Variants in SPATA13 observed in about 807,000 individuals in gnomAD.
SPATA13 encodes spermatogenesis associated 13, also known as spermatogenesis-associated protein 13.
In SPATA13, 50 loss-of-function variants were observed where a neutral mutation model predicts 104.0. That is an observed-to-expected ratio of 0.48 (90% CI 0.38 to 0.61). The LOEUF (loss-of-function observed/expected upper bound fraction) is 0.61. Among genes scored for constraint, SPATA13 ranks in the 20% least tolerant of loss-of-function variants. SPATA13 has a pLI of 0.00. For synonymous variants in SPATA13, 606 were observed against 667.5 expected, an observed-to-expected ratio of 0.91 and a Z score of 1.42; for missense variants, 1,524 against 1,690.6, an observed-to-expected ratio of 0.90 and a Z score of 1.73.
At chr13:24,231,452 C>T (rs920331174) in intron 2 of SPATA13, among the ~76,000 whole-genome samples, 2 of 152,134 alleles carry the variant, frequency 1.3e-5, no homozygotes, top group Non-Finnish European at 1.5e-5. Context: ...GTTAAGGCTG[C>T]GTAATATTTC....
chr13:24,131,324 A>AGGGTCTTGGCCCTGGG (rs946560785), intron 3 of SPATA13, among the ~76,000 whole-genome samples: 1 of 152,164 alleles, frequency 6.6e-6, no homozygotes, highest in Non-Finnish European at 1.5e-5. Context: ...GGACTTGTGC[A>AGGGTCTTGGCCCTGGG]GAAAGCATTG....
intron 4 of SPATA13, among the ~76,000 whole-genome samples, chr13:24,264,630 T>C (rs993004160): frequency 6.6e-6 from 1 of 152,250 alleles, no homozygotes; most frequent in Non-Finnish European, 1.5e-5. Context: ...AATAATTGCC[T>C]TCTATTAAGA....
rs748491954 is a variant in SPATA13 at position 24,224,332 on chromosome 13, C to G, written c.1403C>G (p.Thr468Arg). The G allele has an allele frequency of 6.4e-7, 1 of 1,551,730 alleles. No homozygotes were observed. Among genetic ancestry groups the G allele is most frequent in the South Asian group, 1.2e-5 (1 of 84,058 alleles). Residue 468 changes from threonine to arginine, a missense_variant, in exon 2 of 13, where the codon ACA becomes AGA. Thr to Arg is a moderately conservative substitution (Grantham distance 71). Transcript: ENST00000382108. ...CCTCCCACCCCTCTAAGGCCCACCA[C>G]ACCCAAGCCCCAGAGCCCTCAGAGC... is the stretch of plus-strand genomic sequence containing the variant. Reference protein sequence around the residue: ...EQPPTPLRPTTPKPQSPQSPQ... With the variant: ...EQPPTPLRPTRPKPQSPQSPQ...
At chr13:24,199,815 G>T (rs1870297538) in intron 1 of SPATA13, among the ~76,000 whole-genome samples, 1 of 152,196 alleles carries the variant, frequency 6.6e-6, no homozygotes, top group African/African-American at 2.4e-5. Context: ...GCTTTTGTTT[G>T]TCAAGTGTTC....
intron 4 of SPATA13, among the ~76,000 whole-genome samples, chr13:24,271,281 C>A (rs1266528769): frequency 6.6e-6 from 1 of 152,036 alleles, no homozygotes; most frequent in East Asian, 1.9e-4. Flanking sequence ...GATATTGTTA[C>A]TAGTTTTGCT....
chr13:24,173,163 C>T (rs182946056), intron 1 of SPATA13, among the ~76,000 whole-genome samples: 14 of 152,208 alleles, frequency 9.2e-5, no homozygotes, highest in African/African-American at 1.2e-4. Flanking sequence ...CTGCACCCTC[C>T]GCCTCCCGGG....
chr13:24,044,604 A>G (rs1253865317), intron 3 of SPATA13, among the ~76,000 whole-genome samples: 1 of 152,204 alleles, frequency 6.6e-6, no homozygotes, highest in Non-Finnish European at 1.5e-5. Context: ...ACATGTTTAC[A>G]TTGTTTAATG....
intron 1 of SPATA13, among the ~76,000 whole-genome samples, chr13:24,168,092 C>A (rs1467443925): frequency 6.6e-6 from 1 of 152,174 alleles, no homozygotes; most frequent in African/African-American, 2.4e-5. Context: ...ATGTCGACTT[C>A]ATGAGCCTTC....
intron 1 of SPATA13, among the ~76,000 whole-genome samples, chr13:24,185,640 C>T (rs1399221228): frequency 1.3e-5 from 2 of 151,906 alleles, no homozygotes; most frequent in African/African-American, 2.4e-5. Flanking sequence ...TAATAGGCAT[C>T]GTGTTTTAAA....
At chr13:24,293,408 C>T (rs984472719) in intron 9 of SPATA13, among the ~76,000 whole-genome samples, 17 of 152,098 alleles carry the variant, frequency 1.1e-4, no homozygotes, top group South Asian at 2.1e-4. Flanking sequence ...TCTTGAAAGA[C>T]GTGGGCAGGC....
At chr13:24,040,155 GC>G (rs1400826837) in intron 3 of SPATA13, among the ~76,000 whole-genome samples, 1 of 152,210 alleles carries the variant, frequency 6.6e-6, no homozygotes, top group Non-Finnish European at 1.5e-5. Context: ...ATGCTGGGTG[GC>G]CAAACCAAAT....
intron 4 of SPATA13, among the ~76,000 whole-genome samples, chr13:24,274,100 C>T (rs1259913649): frequency 4.6e-5 from 7 of 152,162 alleles, no homozygotes; most frequent in Non-Finnish European, 7.3e-5. Flanking sequence ...TTGTCCTATT[C>T]GTTGGAATAA....
At chr13:24,127,815 G>A (rs1052337562) in intron 3 of SPATA13, among the ~76,000 whole-genome samples, 1 of 152,182 alleles carries the variant, frequency 6.6e-6, no homozygotes, top group Non-Finnish European at 1.5e-5. Context: ...AATTTAAATT[G>A]CACAGCAAGG....
chr13:24,291,798 G>C (rs1277554083), intron 9 of SPATA13, among the ~76,000 whole-genome samples: 1 of 138,930 alleles, frequency 7.2e-6, no homozygotes, highest in Non-Finnish European at 1.6e-5. Context: ...CGCCCAGGCC[G>C]GACTGCGGAC....
chr13:24,181,265 T>C (rs181392125), intron 1 of SPATA13, among the ~76,000 whole-genome samples: 58 of 152,356 alleles, frequency 3.8e-4, no homozygotes, highest in African/African-American at 1.3e-3. Context: ...ATGTATTTAA[T>C]ATATGTGCTG....
At chr13:24,154,854 C>G (rs1882213266) in intron 3 of SPATA13, among the ~76,000 whole-genome samples, 1 of 152,084 alleles carries the variant, frequency 6.6e-6, no homozygotes, top group Non-Finnish European at 1.5e-5. Context: ...GACTGATAGA[C>G]CAGTTTTGTT....
intron 3 of SPATA13, among the ~76,000 whole-genome samples, chr13:24,116,898 T>C (rs946986718): frequency 6.6e-6 from 1 of 152,144 alleles, no homozygotes; most frequent in Non-Finnish European, 1.5e-5. Flanking sequence ...ACCAGAGACC[T>C]TGTGTCCTCT....
At chr13:24,170,370 A>G (rs1234305450) in intron 1 of SPATA13, among the ~76,000 whole-genome samples, 1 of 152,194 alleles carries the variant, frequency 6.6e-6, no homozygotes, top group Non-Finnish European at 1.5e-5. Context: ...GGATGACTAC[A>G]TTTTTGTTGA....
chr13:24,050,294 G>A (rs557745415), intron 3 of SPATA13, among the ~76,000 whole-genome samples: 1 of 152,308 alleles, frequency 6.6e-6, no homozygotes, highest in East Asian at 1.9e-4. Flanking sequence ...GGTAACAAAA[G>A]ACTAAAATCT....
Sources: allele counts gnomAD v4.1 joint callset (sites outside exome capture counted in the v4.1 genomes callset), GRCh38; gene constraint gnomAD v4.1.1; transcripts MANE v1.5; gene names NCBI Gene and HGNC (gene_info 2026-07-23, HGNC 2026-07-21).